Variants in ULK4 observed in about 807,000 individuals in gnomAD.
ULK4 encodes inactive serine/threonine-protein kinase ULK4.
In ULK4, 133 loss-of-function variants were observed where a neutral mutation model predicts 160.6. The observed-to-expected ratio is 0.83, with a 90% CI of 0.72 to 0.96. The LOEUF (loss-of-function observed/expected upper bound fraction) is 0.96, where lower values mean the gene tolerates loss of function less well. Among genes scored for constraint, ULK4 ranks in the 40% least tolerant of loss-of-function variants. The pLI is 0.00. For synonymous variants in ULK4, 534 were observed against 539.8 expected, an observed-to-expected ratio of 0.99 and a Z score of 0.15; for missense variants, 1,580 against 1,499.5, an observed-to-expected ratio of 1.05 and a Z score of -0.89.
chr3:41,247,774 G>A (rs2078672252), intron 36 of ULK4, among the ~76,000 whole-genome samples: 1 of 152,204 alleles, frequency 6.6e-6, no homozygotes, highest in Non-Finnish European at 1.5e-5. Flanking sequence ...GACTAGTGGG[G>A]CCATGCTGCG....
At chr3:41,353,331 T>C (rs1229864531) in intron 35 of ULK4, among the ~76,000 whole-genome samples, 2 of 152,162 alleles carry the variant, frequency 1.3e-5, no homozygotes, top group Non-Finnish European at 2.9e-5. Flanking sequence ...TGTATTAAAA[T>C]ATTTTAACAT....
At chr3:41,936,939 C>T (rs1717013) in intron 3 of ULK4, among the ~76,000 whole-genome samples, 143,327 of 152,274 alleles carry the variant, frequency 0.94, 68,056 homozygotes, top group East Asian at 1. Flanking sequence ...AAAGGATAAA[C>T]GCTTGAGGAA....
chr3:41,815,408 T>C (rs1226733300), intron 19 of ULK4, among the ~76,000 whole-genome samples: 1 of 152,252 alleles, frequency 6.6e-6, no homozygotes, highest in African/African-American at 2.4e-5. Flanking sequence ...GAAATACATA[T>C]TTTATGTGAA....
rs867577257 is a variant in ULK4, at chr3:41,444,909, A to C, written c.3492+10588T>G. The stretch of plus-strand genomic sequence containing the variant: ...AGGAGAAAGAAATAAAGGGTATTCA[A>C]TTAAGAAAAGAGGAATTCAAATTGT... On this transcript the variant is annotated intron_variant, in intron 34 of 36. Transcript: ENST00000301831. Among the ~76,000 whole-genome samples the C allele has an allele frequency of 3.9e-5, 6 of 152,260 alleles. No homozygotes were observed. In the South Asian group the frequency reaches 1.2e-3, roughly 32 times the overall value.
chr3:41,683,945 G>C (rs775829917), intron 27 of ULK4, among the ~76,000 whole-genome samples: 12 of 152,170 alleles, frequency 7.9e-5, no homozygotes, highest in Non-Finnish European at 1.6e-4. Flanking sequence ...TGTGAAGAGA[G>C]GACTGATAGC....
chr3:41,509,031 C>T (rs2085486645), intron 32 of ULK4, among the ~76,000 whole-genome samples: 1 of 151,916 alleles, frequency 6.6e-6, no homozygotes, highest in African/African-American at 2.4e-5. Context: ...ATCAAGGAGG[C>T]ATCAGAGAAA....
chr3:41,925,412 C>T (rs1480913512), intron 5 of ULK4, among the ~76,000 whole-genome samples: 1 of 152,208 alleles, frequency 6.6e-6, no homozygotes, highest in African/African-American at 2.4e-5. Context: ...AACCCACAGA[C>T]CAGGAGATTC....
At chr3:41,507,575 G>A (rs551599223) in intron 32 of ULK4, among the ~76,000 whole-genome samples, 8 of 125,434 alleles carry the variant, frequency 6.4e-5, no homozygotes, top group East Asian at 2.4e-4. Flanking sequence ...TTCTTCCCAC[G>A]GTAAAAACAG....
At chr3:41,885,136 G>A (rs1697674722) in intron 16 of ULK4, among the ~76,000 whole-genome samples, 1 of 152,106 alleles carries the variant, frequency 6.6e-6, no homozygotes, top group Non-Finnish European at 1.5e-5. Context: ...TTACAGGCTT[G>A]AGACACTGCA....
At chr3:41,906,687 T>C (rs1240348529) in intron 12 of ULK4, among the ~76,000 whole-genome samples, 3 of 151,970 alleles carry the variant, frequency 2.0e-5, no homozygotes, top group African/African-American at 7.2e-5. Flanking sequence ...ACAACTTGGA[T>C]AAATCTTGAA....
At chr3:41,735,423 C>T (rs2125871548) in intron 22 of ULK4, among the ~76,000 whole-genome samples, 1 of 152,278 alleles carries the variant, frequency 6.6e-6, no homozygotes, top group African/African-American at 2.4e-5. Context: ...ATGCCATCAT[C>T]CCAATTCCCC....
At chr3:41,768,836 T>C (rs917235460) in intron 21 of ULK4, among the ~76,000 whole-genome samples, 2 of 152,140 alleles carry the variant, frequency 1.3e-5, no homozygotes, top group Admixed American at 6.5e-5. Context: ...GCAATAGACA[T>C]AATTTGAAAA....
At chr3:41,474,821 T>A (rs376060443) in intron 32 of ULK4, among the ~76,000 whole-genome samples, 7 of 140,840 alleles carry the variant, frequency 5.0e-5, no homozygotes, top group African/African-American at 5.3e-5. Flanking sequence ...TGATTATTAT[T>A]AAAAAAAAAA....
chr3:41,470,044 A>AAAAAAAAAAAAAAAAAAAAAC lies in ULK4; in HGVS notation c.3227-6792_3227-6791insGTTTTTTTTTTTTTTTTTTTT, dbSNP rs1415943037. On this transcript the variant is annotated intron_variant, in intron 32 of 36. Coordinates refer to ENST00000301831, the MANE Select transcript of ULK4 (RefSeq NM_017886.4). ...AAAAAAAAAAAAAAAAAAAAAAAAA[A>AAAAAAAAAAAAAAAAAAAAAC]AACAAAGTATTTTTAAAGGAACTAA... Among the ~76,000 whole-genome samples, 48 of 116,682 alleles carry AAAAAAAAAAAAAAAAAAAAAC rather than the reference A, an allele frequency of 4.1e-4. 1 individual carries two copies. Among genetic ancestry groups the AAAAAAAAAAAAAAAAAAAAAC allele is most frequent in the Non-Finnish European group, 6.2e-4 (35 of 56,560 alleles). The allele number at this position is 116,682 out of a possible 152,430, so 76.5% of individuals were successfully genotyped here. A position where few individuals can be genotyped will look rare whatever the true frequency, so the allele number is the denominator to read the frequency against.
intron 22 of ULK4, among the ~76,000 whole-genome samples, chr3:41,734,507 G>A (rs960560755): frequency 2.0e-5 from 3 of 152,102 alleles, no homozygotes; most frequent in Non-Finnish European, 4.4e-5. Context: ...TCATCTAAGT[G>A]TATATCAGCA....
intron 32 of ULK4, among the ~76,000 whole-genome samples, chr3:41,505,631 C>T (rs999262535): frequency 2.6e-5 from 4 of 152,060 alleles, no homozygotes; most frequent in African/African-American, 7.2e-5. Context: ...TTTTTTATAT[C>T]AATCTTATAG....
Position 41,904,393 on chromosome 3 carries a change from C to T in ULK4, c.1182+3452G>A, listed in dbSNP as rs982843992. ...GCAATGAGCAACGATCATGCCCCTC[C>T]ACTCCAGCCTAGGTCACAGGAGTGA... On this transcript the variant is annotated intron_variant, in intron 12 of 36. Coordinates refer to ENST00000301831, the MANE Select transcript of ULK4 (RefSeq NM_017886.4). Among the ~76,000 whole-genome samples the T allele has an allele frequency of 5.9e-5, 9 of 152,274 alleles. No individual in the cohort carries two copies. The South Asian group carries it at 6.2e-4, about 11-fold the overall frequency.
chr3:41,518,014 C>G (rs28622395), intron 32 of ULK4, among the ~76,000 whole-genome samples: 1 of 152,124 alleles, frequency 6.6e-6, no homozygotes, highest in South Asian at 2.1e-4. Context: ...AAATCAGAAC[C>G]GTGTCTAACG....
intron 35 of ULK4, among the ~76,000 whole-genome samples, chr3:41,286,165 A>G (rs2125698886): frequency 6.6e-6 from 1 of 152,308 alleles, no homozygotes; most frequent in African/African-American, 2.4e-5. Flanking sequence ...AGAAATTGAT[A>G]CATAACGATT....
Sources: allele counts gnomAD v4.1 joint callset (sites outside exome capture counted in the v4.1 genomes callset), GRCh38; gene constraint gnomAD v4.1.1; transcripts MANE v1.5; gene names NCBI Gene and HGNC (gene_info 2026-07-23, HGNC 2026-07-21).